Variants in TXNL4A observed in about 807,000 individuals in gnomAD.
TXNL4A encodes thioredoxin like 4A, also known as thioredoxin-like protein 4A.
TXNL4A carries 17 observed loss-of-function variants against 14.6 expected under a neutral mutation model. The ratio of observed to expected loss-of-function variants is 1.16; its 90% confidence interval spans 0.80 to 1.74. TXNL4A has a LOEUF of 1.74. Ranked by LOEUF, TXNL4A falls within the 40% of genes most tolerant of loss-of-function variation. TXNL4A has a pLI of 0.00. For missense variants in TXNL4A, 74 were observed against 195.2 expected (o/e 0.38, Z 3.70); for synonymous variants, 83 against 70.6 (o/e 1.18, Z -0.88).
chr18:79,981,762 G>A (rs931658118), intron 1 of TXNL4A, among the ~76,000 whole-genome samples: 8 of 152,094 alleles, frequency 5.3e-5, no homozygotes, highest in Admixed American at 1.3e-4. Flanking sequence ...TTCAAGCTCC[G>A]GCCCACTGCA....
Position 79,972,452 on chromosome 18 carries a change from C to T in TXNL4A, c.*1233G>A, listed in dbSNP as rs2051312271. 1 of 152,352 alleles carries T rather than the reference C, an allele frequency of 6.6e-6. No homozygotes were observed. Among genetic ancestry groups the T allele is most frequent in the Admixed American group, 6.6e-5 (1 of 15,266 alleles). 9.4% of individuals were successfully genotyped at this position (152,352 alleles called of 1,614,324 possible). ...GACAGAGGGCAAGAGAAACCTGAGACTGTAATAAGGACATTTTCTTTTCTT... is the reference window on the plus strand; with the variant it reads ...GACAGAGGGCAAGAGAAACCTGAGATTGTAATAAGGACATTTTCTTTTCTT... On this transcript the variant is annotated 3_prime_UTR_variant, in exon 3 of 3. Coordinates refer to ENST00000269601, the MANE Select transcript of TXNL4A (RefSeq NM_006701.5).
At chr18:80,008,927 G>A (rs747676558) in intron 1 of TXNL4A, among the ~76,000 whole-genome samples, 4 of 152,190 alleles carry the variant, frequency 2.6e-5, no homozygotes, top group African/African-American at 4.8e-5. Flanking sequence ...ACAGGCGTGA[G>A]CCACCACGCC....
intron 1 of TXNL4A, among the ~76,000 whole-genome samples, chr18:80,029,487 GA>G (rs34477024): frequency 6.6e-6 from 1 of 152,192 alleles, no homozygotes; most frequent in Non-Finnish European, 1.5e-5. Context: ...ATGGCAGTTG[GA>G]AAAATCCTAC....
At chr18:80,027,060 G>C (rs1412432463) in intron 1 of TXNL4A, among the ~76,000 whole-genome samples, 2 of 152,118 alleles carry the variant, frequency 1.3e-5, no homozygotes, top group Non-Finnish European at 2.9e-5. Context: ...GTTTACACCA[G>C]AAGCAGAACG....
chr18:80,031,799 C>T (rs1407097206), intron 1 of TXNL4A, among the ~76,000 whole-genome samples: 5 of 152,184 alleles, frequency 3.3e-5, no homozygotes, highest in Admixed American at 6.5e-5. Context: ...GAACATAACC[C>T]GGCTTATGAC....
intron 1 of TXNL4A, among the ~76,000 whole-genome samples, chr18:79,998,136 AC>A (rs891078055): frequency 2.0e-5 from 3 of 152,116 alleles, no homozygotes; most frequent in Admixed American, 1.3e-4. Flanking sequence ...TACTAAAAAT[AC>A]AAAAAAATTA....
intron 1 of TXNL4A, among the ~76,000 whole-genome samples, chr18:80,009,487 ACAGGGCTGTTAC>A (rs1478787945): frequency 1.3e-5 from 2 of 152,180 alleles, no homozygotes; most frequent in African/African-American, 4.8e-5. Context: ...CGGGACACCA[ACAGGGCTGTTAC>A]CAGTGGCAAG....
At chr18:80,007,572 G>A (rs909154275) in intron 1 of TXNL4A, among the ~76,000 whole-genome samples, 6 of 152,000 alleles carry the variant, frequency 3.9e-5, no homozygotes, top group African/African-American at 1.4e-4. Context: ...GCGCTGGGCT[G>A]CCTGTCTTTG....
upstream of TXNL4A, among the ~76,000 whole-genome samples, chr18:79,989,151 AT>A (rs1035392709): frequency 1.3e-5 from 2 of 151,540 alleles, no homozygotes; most frequent in East Asian, 1.9e-4. Context: ...AAGAAAAAAA[AT>A]TTTTTTTTGA....
chr18:80,016,206 G>A (rs1453508666), intron 1 of TXNL4A, among the ~76,000 whole-genome samples: 17 of 152,040 alleles, frequency 1.1e-4, no homozygotes, highest in African/African-American at 4.1e-4. Context: ...TGTTGATGGG[G>A]TTGTTTGTTT....
intron 1 of TXNL4A, 124 bp downstream of exon 1, chr18:79,988,116 T>G: frequency 8.3e-7 from 1 of 1,206,584 alleles, no homozygotes; most frequent in Non-Finnish European, 1.1e-6. Flanking sequence ...AGGAATCGCC[T>G]GAACGACGGA....
rs1031633972 is a variant in TXNL4A, at chr18:79,999,364, C to T, written c.-60-21663G>A. 4.6e-5 allele frequency among the ~76,000 whole-genome samples: 7 copies of T among 152,014 alleles called. No individual in the cohort carries two copies. In the East Asian group the frequency reaches 5.8e-4, roughly 13 times the overall value. ...CAGCCTGGCCGACATAGTGAAACCC[C>T]GTCTCTACTAAAAATACAAAAATTA... On this transcript the variant is annotated intron_variant, in intron 1 of 2. Transcript: ENST00000585474.
In TXNL4A at chr18:79,971,907, C is replaced by T. The variant is rs1357872315; in HGVS notation, c.*1778G>A. 1.3e-5 allele frequency: 2 copies of T among 152,152 alleles called. No individual in the cohort carries two copies. The highest frequency in any genetic ancestry group is 4.8e-5 in the African/African-American group (2 of 41,428). 9.4% of individuals were successfully genotyped at this position (152,152 alleles called of 1,614,324 possible). ...TGTAATACTGAGTGTCTGTTACATGCCAGGTACTCGAGGTCACATACACGT... is the reference window on the plus strand; with the variant it reads ...TGTAATACTGAGTGTCTGTTACATGTCAGGTACTCGAGGTCACATACACGT... On this transcript the variant is annotated 3_prime_UTR_variant, in exon 3 of 3. Coordinates refer to ENST00000269601, the MANE Select transcript of TXNL4A (RefSeq NM_006701.5).
chr18:80,016,344 T>C (rs1461675199), intron 1 of TXNL4A, among the ~76,000 whole-genome samples: 2 of 152,240 alleles, frequency 1.3e-5, no homozygotes, highest in African/African-American at 4.8e-5. Flanking sequence ...TTTCTTTTGC[T>C]GCGCAGAAGC....
intron 1 of TXNL4A, among the ~76,000 whole-genome samples, chr18:80,003,099 T>G (rs1053998403): frequency 2.0e-5 from 3 of 152,264 alleles, no homozygotes; most frequent in Non-Finnish European, 4.4e-5. Context: ...TGGCCAAGCT[T>G]ACGCACTGAC....
intron 1 of TXNL4A, among the ~76,000 whole-genome samples, chr18:80,016,769 T>C (rs1342653840): frequency 6.7e-6 from 1 of 150,346 alleles, no homozygotes; most frequent in East Asian, 1.9e-4. Flanking sequence ...ACTGTAGCCT[T>C]GTAGTATAGT....
At chr18:80,016,220 T>G (rs1367744665) in intron 1 of TXNL4A, among the ~76,000 whole-genome samples, 3 of 152,134 alleles carry the variant, frequency 2.0e-5, no homozygotes, top group African/African-American at 7.2e-5. Context: ...TTTGTTTTTT[T>G]CTTGTAAATT....
At chr18:80,012,908 G>A (rs984943515) in intron 1 of TXNL4A, among the ~76,000 whole-genome samples, 7 of 151,584 alleles carry the variant, frequency 4.6e-5, no homozygotes, top group African/African-American at 1.5e-4. Flanking sequence ...CCGGAAAGGC[G>A]GCCGGCCGCC....
chr18:79,988,204 G>A (rs774102247), intron 1 of TXNL4A, 36 bp downstream of exon 1: 7 of 1,479,456 alleles, frequency 4.7e-6, no homozygotes, highest in African/African-American at 4.2e-5. Flanking sequence ...AGATGCGGAA[G>A]CACAGCCCGC....
Sources: allele counts gnomAD v4.1 joint callset (sites outside exome capture counted in the v4.1 genomes callset), GRCh38; gene constraint gnomAD v4.1.1; transcripts MANE v1.5; gene names NCBI Gene and HGNC (gene_info 2026-07-23, HGNC 2026-07-21).